Variants in BRIP1 observed in about 807,000 individuals in gnomAD.
BRIP1 encodes Fanconi anemia group J protein.
In BRIP1, 88 loss-of-function variants were observed where a neutral mutation model predicts 119.7. That is an observed-to-expected ratio of 0.74 (90% CI 0.62 to 0.88). The LOEUF is 0.88. Ranked by LOEUF, BRIP1 falls within the 40% of genes least tolerant of loss-of-function variation. The probability of loss-of-function intolerance (pLI) is 0.00; values close to 1 mark genes in which losing one functional copy is unlikely to be tolerated. For missense variants in BRIP1, 1,259 were observed against 1,455.4 expected (o/e 0.87, Z 2.20); for synonymous variants, 443 against 496.5 (o/e 0.89, Z 1.43).
chr17:61,850,566 G>A (rs373771762), intron 4 of BRIP1, among the ~76,000 whole-genome samples: 100 of 152,046 alleles, frequency 6.6e-4, no homozygotes, highest in South Asian at 2.5e-3. Context: ...AGTGGCTCAC[G>A]CCTTTAATCC....
At position 61,683,067 on chromosome 17, in the gene BRIP1, G is replaced by T. The variant is rs1442069240; in HGVS notation, c.*229C>A. 4 of 481,182 alleles carry T rather than the reference G, an allele frequency of 8.3e-6. No homozygotes were observed. The highest frequency in any genetic ancestry group is 1.5e-5 in the Non-Finnish European group (4 of 272,602). The allele number at this position is 481,182 out of a possible 1,614,324, so 29.8% of individuals were successfully genotyped here. ...GAATCACTTGAACCTGGAGGTGAAG[G>T]TTGCAGTGAGCCCAGAGCACACCAC... On this transcript the variant is annotated 3_prime_UTR_variant, in exon 20 of 20. Coordinates refer to ENST00000259008, the MANE Select transcript of BRIP1 (RefSeq NM_032043.3). This position sits in a 1 kb window ranked among gnomAD's most constrained non-coding sequence, Gnocchi z 4.7.
rs1459171755 is a variant in BRIP1, at chr17:61,794,056, T to C, written c.1341-327A>G. Among the ~76,000 whole-genome samples, 1 of 152,086 alleles carries C rather than the reference T, an allele frequency of 6.6e-6. No homozygotes were observed. ...GTCTTAGGTACTTATCCCAAATATA[T>C]ATAAAAGGAAATGCAAAACAACCTA... is the stretch of plus-strand genomic sequence containing the variant. On this transcript the variant is annotated intron_variant, in intron 9 of 19. Transcript: ENST00000259008. This position sits in a 1 kb window ranked among gnomAD's most constrained non-coding sequence, Gnocchi z 4.3.
rs1417091803 is a variant in BRIP1 at position 61,717,058 on chromosome 17, C to T, written c.2380-995G>A. Among the ~76,000 whole-genome samples the T allele has an allele frequency of 6.6e-6, 1 of 151,940 alleles. No individual in the cohort carries two copies. Among genetic ancestry groups the T allele is most frequent in the South Asian group, 2.1e-4 (1 of 4,820 alleles). On this transcript the variant is annotated intron_variant, in intron 16 of 19. Transcript: ENST00000259008. This position sits in a 1 kb window ranked among gnomAD's most constrained non-coding sequence, Gnocchi z 4.1. ...CATTTTGATTATGCTTTAAACAGTA[C>T]ATTATCTTTTAATTTTAAATAAGTT...
In BRIP1 at chr17:61,780,238, C is replaced by CAAA. The variant is rs74268880; in HGVS notation, c.1935+20_1935+22dup. The CAAA allele has an allele frequency of 3.9e-6, 5 of 1,295,486 alleles. No individual in the cohort carries two copies. The highest frequency in any genetic ancestry group is 2.6e-5 in the South Asian group (2 of 76,448). 80.2% of individuals were successfully genotyped at this position (1,295,486 alleles called of 1,614,324 possible). On this transcript the variant is annotated intron_variant, in intron 13 of 19. Coordinates refer to ENST00000259008, the MANE Select transcript of BRIP1 (RefSeq NM_032043.3). The surrounding 1 kb of genome is among the most constrained non-coding windows in gnomAD (Gnocchi z 5.4). ...TGAAGTAGAAACACTGAAGGCCTTC[C>CAAA]AAAAAAAAAAACAACAACTAACCTG...
rs1380277946 is a variant in BRIP1, at chr17:61,730,619, A to G, written c.2379+12394T>C. On this transcript the variant is annotated intron_variant, in intron 16 of 19. Transcript: ENST00000259008. This position sits in a 1 kb window ranked among gnomAD's most constrained non-coding sequence, Gnocchi z 4.3. ...ATGAACACAAGAAAATAACTTCAGA[A>G]TTGTTCAAAAATCAAAACCAAAAGT... Among the ~76,000 whole-genome samples the G allele has an allele frequency of 6.6e-6, 1 of 152,178 alleles. No individual in the cohort carries two copies. The highest frequency in any genetic ancestry group is 1.5e-5 in the Non-Finnish European group (1 of 68,022).
rs959483816 is a variant in BRIP1, at chr17:61,827,707, C to T, written c.628-18950G>A. The stretch of plus-strand genomic sequence containing the variant: ...TAGTGCCACTGCACTCCGGCCTGGG[C>T]GACAGAGTGAAGCCCTGTCTCAAAA... On this transcript the variant is annotated intron_variant, in intron 6 of 19. Transcript: ENST00000259008. This position sits in a 1 kb window ranked among gnomAD's most constrained non-coding sequence, Gnocchi z 5.8. Among the ~76,000 whole-genome samples, 4 of 152,100 alleles carry T rather than the reference C, an allele frequency of 2.6e-5. No homozygotes were observed. Among genetic ancestry groups the T allele is most frequent in the African/African-American group, 7.2e-5 (3 of 41,410 alleles).
At position 61,748,879 on chromosome 17, in the gene BRIP1, T is replaced by G. The variant is rs868364313; in HGVS notation, c.2098-4288A>C. ...TTGGCTGGGCGCAGTGGCTCATGCC[T>G]GTAATCCCAGCACTTTGGGAGGCCA... On this transcript the variant is annotated intron_variant, in intron 14 of 19. Transcript: ENST00000259008. The surrounding 1 kb of genome is among the most constrained non-coding windows in gnomAD (Gnocchi z 4.7). Among the ~76,000 whole-genome samples, 1 of 152,380 alleles carries G rather than the reference T, an allele frequency of 6.6e-6. No homozygotes were observed. The highest frequency in any genetic ancestry group is 3.4e-3 in the Middle Eastern group (1 of 294).
Position 61,757,272 on chromosome 17 carries a change from C to A in BRIP1, c.2098-12681G>T, listed in dbSNP as rs1317450889. Among the ~76,000 whole-genome samples the A allele has an allele frequency of 6.6e-6, 1 of 152,098 alleles. No homozygotes were observed. The highest frequency in any genetic ancestry group is 1.5e-5 in the Non-Finnish European group (1 of 68,004). On this transcript the variant is annotated intron_variant, in intron 14 of 19. Coordinates refer to ENST00000259008, the MANE Select transcript of BRIP1 (RefSeq NM_032043.3). This position sits in a 1 kb window ranked among gnomAD's most constrained non-coding sequence, Gnocchi z 4.3. ...CCAAGAATATGAATTTCTATTGAAA[C>A]AGCTTCCTGTTTGGTGATATTTGAC...
intron 5 of BRIP1, among the ~76,000 whole-genome samples, chr17:61,847,901 T>C (rs1227531448): frequency 1.3e-5 from 2 of 152,222 alleles, no homozygotes; most frequent in African/African-American, 2.4e-5. Flanking sequence ...AAATGTTTTA[T>C]GTTGAGCCCT....
At position 61,779,246 on chromosome 17, in the gene BRIP1, C is replaced by G. The variant is rs111707293; in HGVS notation, c.1935+1015G>C. 6.1e-3 allele frequency among the ~76,000 whole-genome samples: 934 copies of G among 152,230 alleles called. 6 individuals carry two copies. The highest frequency in any genetic ancestry group is 0.022 in the African/African-American group (896 of 41,540). ...AGAACGTGGATGTAAAAGGAAGAATCAGGATACACTGTAGTCTAATGGAAA... is the reference window on the plus strand; with the variant it reads ...AGAACGTGGATGTAAAAGGAAGAATGAGGATACACTGTAGTCTAATGGAAA... On this transcript the variant is annotated intron_variant, in intron 13 of 19. Coordinates refer to ENST00000259008, the MANE Select transcript of BRIP1 (RefSeq NM_032043.3).
Position 61,843,496 on chromosome 17 carries a change from G to A in BRIP1, c.627+3605C>T, listed in dbSNP as rs1046445102. On this transcript the variant is annotated intron_variant, in intron 6 of 19. Coordinates refer to ENST00000259008, the MANE Select transcript of BRIP1 (RefSeq NM_032043.3). This position sits in a 1 kb window ranked among gnomAD's most constrained non-coding sequence, Gnocchi z 5.7. ...TGAAATGTGATCCCCCAAGTTGGAG[G>A]TGGGGCCTAGTGTAAAGTGCTTGGG... Among the ~76,000 whole-genome samples the A allele has an allele frequency of 3.3e-5, 5 of 152,144 alleles. No individual in the cohort carries two copies. The highest frequency in any genetic ancestry group is 1.2e-4 in the African/African-American group (5 of 41,422).
chr17:61,839,495 C>A (rs2078626813), intron 6 of BRIP1, among the ~76,000 whole-genome samples: 1 of 151,930 alleles, frequency 6.6e-6, no homozygotes, highest in Non-Finnish European at 1.5e-5. Context: ...AATATTAGAG[C>A]TCAACCATAT....
rs978427223 is a variant in BRIP1 at position 61,734,182 on chromosome 17, T to C, written c.2379+8831A>G. Among the ~76,000 whole-genome samples, 1 of 152,194 alleles carries C rather than the reference T, an allele frequency of 6.6e-6. No homozygotes were observed. Among genetic ancestry groups the C allele is most frequent in the Non-Finnish European group, 1.5e-5 (1 of 68,016 alleles). On this transcript the variant is annotated intron_variant, in intron 16 of 19. Transcript: ENST00000259008. This position sits in a 1 kb window ranked among gnomAD's most constrained non-coding sequence, Gnocchi z 5.2. ...TGGATGCCTCAATTATAAAGCTGAA[T>C]ACTCCTGTGGTTGTTAGATCACAGT... is the stretch of plus-strand genomic sequence containing the variant.
At chr17:61,771,788 T>C (rs924794702) in intron 14 of BRIP1, among the ~76,000 whole-genome samples, 3 of 151,966 alleles carry the variant, frequency 2.0e-5, no homozygotes, top group Admixed American at 6.6e-5. Context: ...GGTGAAACCC[T>C]GTCTCTACTA....
intron 6 of BRIP1, among the ~76,000 whole-genome samples, chr17:61,818,831 A>T (rs1423912451): frequency 6.6e-6 from 1 of 152,214 alleles, no homozygotes; most frequent in East Asian, 1.9e-4. Flanking sequence ...GCTCAACATC[A>T]CTGATCATCA....
chr17:61,728,181 T>C (rs1280171115), intron 16 of BRIP1, among the ~76,000 whole-genome samples: 1 of 152,106 alleles, frequency 6.6e-6, no homozygotes, highest in Non-Finnish European at 1.5e-5. Context: ...TGAAATATTA[T>C]TGCCAAGAAT....
In BRIP1 at chr17:61,679,972, G is replaced by A. The variant is rs1241605331; in HGVS notation, c.*3324C>T. ...GAAACACCTTTTGGAATTACTAAAG[G>A]GTTGTGACACATCTCTATGTACATT... On this transcript the variant is annotated 3_prime_UTR_variant, in exon 20 of 20. Coordinates refer to ENST00000259008, the MANE Select transcript of BRIP1 (RefSeq NM_032043.3). The surrounding 1 kb of genome is among the most constrained non-coding windows in gnomAD (Gnocchi z 4.4). 1.3e-5 allele frequency among the ~76,000 whole-genome samples: 2 copies of A among 151,930 alleles called. No homozygotes were observed. Among genetic ancestry groups the A allele is most frequent in the Non-Finnish European group, 2.9e-5 (2 of 68,006 alleles).
At position 61,693,565 on chromosome 17, in the gene BRIP1, G is replaced by C. The variant is rs2144189156; in HGVS notation, c.2493-53C>G. On this transcript the variant is annotated intron_variant, in intron 17 of 19. Transcript: ENST00000259008. The surrounding 1 kb of genome is among the most constrained non-coding windows in gnomAD (Gnocchi z 4.2). Reference sequence around the variant, plus strand: ...AATTATAACATCGGAAATAAATCCAGTTTTCCAGTGGGACAGACAGAAAAT... The same window carrying C: ...AATTATAACATCGGAAATAAATCCACTTTTCCAGTGGGACAGACAGAAAAT... 1.4e-6 allele frequency: 2 copies of C among 1,444,394 alleles called. No homozygotes were observed. The highest frequency in any genetic ancestry group is 2.3e-5 in the South Asian group (2 of 87,360). The allele number at this position is 1,444,394 out of a possible 1,614,324, so 89.5% of individuals were successfully genotyped here.
chr17:61,684,941 G>C lies in BRIP1; in HGVS notation c.2906-801C>G, dbSNP rs1184345342. 3 of 152,142 alleles carry C rather than the reference G, an allele frequency of 2.0e-5. No individual in the cohort carries two copies. Among genetic ancestry groups the C allele is most frequent in the African/African-American group, 4.8e-5 (2 of 41,508 alleles). The allele number at this position is 152,142 out of a possible 1,614,324, so 9.4% of individuals were successfully genotyped here. A position where few individuals can be genotyped will look rare whatever the true frequency, so the allele number is the denominator to read the frequency against. On this transcript the variant is annotated intron_variant, in intron 19 of 19. Transcript: ENST00000259008. The surrounding 1 kb of genome is among the most constrained non-coding windows in gnomAD (Gnocchi z 4.5). The stretch of plus-strand genomic sequence containing the variant: ...CTAATTTTTGTATTTTTTTAGTAGA[G>C]ACGGTGTTTCACCACACTGGTCAGG...
Sources: allele counts gnomAD v4.1 joint callset (sites outside exome capture counted in the v4.1 genomes callset), GRCh38; gene constraint gnomAD v4.1.1; non-coding constraint Gnocchi (gnomAD v3.1); transcripts MANE v1.5; gene names NCBI Gene and HGNC (gene_info 2026-07-23, HGNC 2026-07-21).